PPP1R3A: variants seen among roughly 807,000 people sequenced by gnomAD.
PPP1R3A encodes RG1.
In PPP1R3A, 29 loss-of-function variants were observed where a neutral mutation model predicts 41.7. That is an observed-to-expected ratio of 0.70 (90% confidence interval 0.52 to 0.95). PPP1R3A has a LOEUF of 0.95. Among genes scored for constraint, PPP1R3A ranks in the 40% least tolerant of loss-of-function variants. PPP1R3A has a pLI of 0.00. For synonymous variants in PPP1R3A, 485 were observed against 453.4 expected (o/e 1.07, Z -0.89); for missense variants, 1,352 against 1,292.4 (o/e 1.05, Z -0.71).
rs1335261839 is a variant in PPP1R3A, at chr7:113,918,676, G to A, written c.321C>T (p.Ala107=). 6.2e-7 allele frequency: 1 copy of A among 1,613,456 alleles called. No homozygotes were observed. The highest frequency in any genetic ancestry group is 2.2e-5 in the East Asian group (1 of 44,864). ...TTGAAGAAGGCAAGTCAAACAGTGG[G>A]GCTAAAACATATTCTTCTGTGTGGA... ...DIFHTEEYVL[A]PLFDLPSSKE... Residue 107 remains alanine (A), a synonymous_variant, in exon 1 of 4, where the codon GCC becomes GCT. Transcript: ENST00000284601.
intron 1 of PPP1R3A, among the ~76,000 whole-genome samples, chr7:113,915,467 A>G (rs1797322358): frequency 6.6e-6 from 1 of 151,566 alleles, no homozygotes; most frequent in Non-Finnish European, 1.5e-5. Context: ...TTTTCATTTT[A>G]GCTATGACTG....
At chr7:113,910,294 T>A (rs928380906) in intron 1 of PPP1R3A, among the ~76,000 whole-genome samples, 5 of 152,060 alleles carry the variant, frequency 3.3e-5, no homozygotes, top group Non-Finnish European at 5.9e-5. Flanking sequence ...TTGACCTGGG[T>A]GTTTTCTGAA....
rs766790006 is a variant in PPP1R3A, at chr7:113,879,016, C to T, written c.2076G>A (p.Thr692=). The T allele has an allele frequency of 3.7e-6, 6 of 1,613,452 alleles. No homozygotes were observed. Among genetic ancestry groups the T allele is most frequent in the African/African-American group, 2.7e-5 (2 of 74,860 alleles). ...CTTCTGTAGTAGCTTTCAAACTCCT[C>T]GTATTATCTCTTTTTCCCCACACGT... The part of the protein sequence containing the change: ...CEDVWGKRDN[T]RSLKATTEEL... Residue 692 remains threonine (T), a synonymous_variant, in exon 4 of 4, where the codon ACG becomes ACA. Transcript: ENST00000284601.
chr7:113,879,819 C>T lies in PPP1R3A; in HGVS notation c.1273G>A (p.Asp425Asn). 1 of 1,613,360 alleles carries T rather than the reference C, an allele frequency of 6.2e-7. No homozygotes were observed. The highest frequency in any genetic ancestry group is 8.5e-7 in the Non-Finnish European group (1 of 1,179,522). Residue 425 changes from aspartate (D) to asparagine (N), a missense_variant, in exon 4 of 4, where the codon GAT becomes AAT. Asp to Asn is a conservative substitution (Grantham distance 23, BLOSUM62 1). Transcript: ENST00000284601. ...IKPSLGDTSS[D>N]ELVQLHTGSK... ...CCAGTATGTAATTGCACTAGTTCAT[C>T]ACTACTAGTATCTCCCAATGATGGC... is the stretch of plus-strand genomic sequence containing the variant.
At chr7:113,886,937 G>A (rs1362433938) in intron 1 of PPP1R3A, among the ~76,000 whole-genome samples, 2 of 152,050 alleles carry the variant, frequency 1.3e-5, no homozygotes, top group African/African-American at 4.8e-5. Flanking sequence ...TTTTGATAAA[G>A]GAGAGTTTCA....
rs1488851668 is a variant in PPP1R3A at position 113,878,863 on chromosome 7, G to A, written c.2229C>T (p.Ser743=). Residue 743 remains serine (S), a synonymous_variant, in exon 4 of 4, where the codon AGC becomes AGT. Coordinates refer to ENST00000284601, the MANE Select transcript of PPP1R3A (RefSeq NM_002711.4). ...IKTTSESTPE[S]MSAREKAIIA... is the part of the protein sequence containing the mutation. ...TTATTGCTTTTTCTCTAGCAGACAT[G>A]CTTTCTGGAGTACTTTCTGATGTTG... 3 of 1,612,898 alleles carry A rather than the reference G, an allele frequency of 1.9e-6. No individual in the cohort carries two copies. Among genetic ancestry groups the A allele is most frequent in the South Asian group, 2.2e-5 (2 of 91,088 alleles).
intron 1 of PPP1R3A, among the ~76,000 whole-genome samples, chr7:113,913,109 G>A (rs1222492485): frequency 6.6e-6 from 1 of 152,042 alleles, no homozygotes; most frequent in Non-Finnish European, 1.5e-5. Context: ...ATGTTTCCAC[G>A]TGGCCTTGCC....
In PPP1R3A at chr7:113,918,836, A is replaced by G. The variant is rs1797386797; in HGVS notation, c.161T>C (p.Leu54Pro). The G allele has an allele frequency of 6.8e-6, 11 of 1,613,896 alleles. No homozygotes were observed. The highest frequency in any genetic ancestry group is 1.7e-5 in the Admixed American group (1 of 59,982). The change falls in exon 1 of 4, where the codon CTG (leucine) becomes CCG (proline). Residue 54 changes from leucine (L) to proline (P), a missense_variant. Physicochemically the swap from Leu to Pro is moderately conservative, Grantham distance 98. Transcript: ENST00000284601. ...TCTAGTACCTGAAGATGGGGTATCCAGGTATATGTCTTCAGAAGAATCAGA... is the reference window on the plus strand; with the variant it reads ...TCTAGTACCTGAAGATGGGGTATCCGGGTATATGTCTTCAGAAGAATCAGA... ...RGSDSSEDIY[L>P]DTPSSGTRRV...
chr7:113,887,368 A>G (rs574566221), intron 1 of PPP1R3A, among the ~76,000 whole-genome samples: 3 of 152,100 alleles, frequency 2.0e-5, no homozygotes, highest in East Asian at 3.9e-4. Context: ...TGGTTTTTCT[A>G]ATAGATATTT....
intron 1 of PPP1R3A, among the ~76,000 whole-genome samples, chr7:113,890,535 C>T (rs1435217376): frequency 1.3e-5 from 2 of 152,158 alleles, no homozygotes; most frequent in Non-Finnish European, 2.9e-5. Context: ...ATGTGGTACA[C>T]GAAGTGCCTC....
chr7:113,880,663 T>C (rs1410992692), intron 3 of PPP1R3A, among the ~76,000 whole-genome samples: 2 of 152,012 alleles, frequency 1.3e-5, no homozygotes, highest in Non-Finnish European at 2.9e-5. Flanking sequence ...TCAAATGTAT[T>C]TGAGCTCTTC....
intron 1 of PPP1R3A, among the ~76,000 whole-genome samples, chr7:113,899,937 T>C (rs1463983217): frequency 6.6e-6 from 1 of 151,822 alleles, no homozygotes; most frequent in Non-Finnish European, 1.5e-5. Flanking sequence ...GAGAGGGGCA[T>C]GCATAATCAA....
At chr7:113,897,841 G>C (rs1797001555) in intron 1 of PPP1R3A, among the ~76,000 whole-genome samples, 1 of 151,780 alleles carries the variant, frequency 6.6e-6, no homozygotes, top group Non-Finnish European at 1.5e-5. Context: ...TTCTGGAAAG[G>C]TCAAGTTGAG....
intron 1 of PPP1R3A, among the ~76,000 whole-genome samples, chr7:113,910,845 G>C (rs1797233110): frequency 6.6e-6 from 1 of 152,100 alleles, no homozygotes; most frequent in South Asian, 2.1e-4. Context: ...AATGGGCTAA[G>C]AAATGTTTTC....
rs1206804462 is a variant in PPP1R3A, at chr7:113,878,308, A to T, written c.2784T>A (p.Asn928Lys). 6.2e-7 allele frequency: 1 copy of T among 1,613,086 alleles called. No homozygotes were observed. The highest frequency in any genetic ancestry group is 1.7e-5 in the Admixed American group (1 of 59,870). ...CATTCTCTACAGCAATTGCCTGCTC[A>T]TTAGTTGACACTGAAATTTCAGTAT... ...KHHTEISVST[N>K]EQAIAVENAV... Residue 928 changes from asparagine (N) to lysine (K), a missense_variant, in exon 4 of 4, where the codon AAT (asparagine) becomes AAA (lysine). Transcript: ENST00000284601.
rs1796659819 is a variant in PPP1R3A at position 113,879,961 on chromosome 7, A to G, written c.1131T>C (p.Ser377=). ...CCTTTACGGAGCTTTCTGCTGATGA[A>G]CTTGGAGACAGAGACCTTTGGAACA... The part of the protein sequence containing the change: ...TDLFQRSLSP[S]SSAESSVKGD... The change falls in exon 4 of 4, where the codon AGT becomes AGC. Residue 377 remains serine, a synonymous_variant. Transcript: ENST00000284601. 1.2e-6 allele frequency: 2 copies of G among 1,613,538 alleles called. No individual in the cohort carries two copies. Among genetic ancestry groups the G allele is most frequent in the Non-Finnish European group, 1.7e-6 (2 of 1,179,664 alleles).
chr7:113,914,126 G>A lies in PPP1R3A; in HGVS notation c.782+4089C>T, dbSNP rs1797300314. Among the ~76,000 whole-genome samples the A allele has an allele frequency of 1.3e-5, 2 of 152,042 alleles. 1 individual carries two copies. The highest frequency in any genetic ancestry group is 4.2e-4 in the South Asian group (2 of 4,808). ...GCTGAACAAGATTTGATAATAAAAG[G>A]GACAATTGTGATGAAGGGCTTTTGA... On this transcript the variant is annotated intron_variant, in intron 1 of 3. Transcript: ENST00000284601.
chr7:113,918,716 A>C lies in PPP1R3A; in HGVS notation c.281T>G (p.Leu94Ter). The C allele has an allele frequency of 1.2e-6, 2 of 1,613,852 alleles. No individual in the cohort carries two copies. Among genetic ancestry groups the C allele is most frequent in the Non-Finnish European group, 1.7e-6 (2 of 1,179,866 alleles). ...TTCTGTGTGGAAAATGTCCGTCCCT[A>C]AGTCAAAAGTGGTTGAAGCACTCGG... Reference protein sequence around the residue: ...ELPSASTTFDLGTDIFHTEEY... With the variant: ...ELPSASTTFD Residue 94 changes from leucine (L) to a stop codon, truncating the protein, a stop_gained, in exon 1 of 4, where the codon TTA (leucine) becomes TGA (stop). Transcript: ENST00000284601. LOFTEE classifies it high-confidence loss of function.
intron 3 of PPP1R3A, among the ~76,000 whole-genome samples, chr7:113,880,599 A>G (rs1796675049): frequency 6.6e-6 from 1 of 152,032 alleles, no homozygotes; most frequent in Non-Finnish European, 1.5e-5. Context: ...AAGAAAAGTG[A>G]GGGAGTTAAT....
Sources: allele counts gnomAD v4.1 joint callset (sites outside exome capture counted in the v4.1 genomes callset), GRCh38; gene constraint gnomAD v4.1.1; transcripts MANE v1.5; gene names NCBI Gene and HGNC (gene_info 2026-07-23, HGNC 2026-07-21).